GPC1: variants seen among roughly 807,000 people sequenced by gnomAD.
GPC1 encodes the protein glypican 1.
GPC1 carries 26 observed loss-of-function variants against 51.5 expected under a neutral mutation model. The observed-to-expected ratio is 0.50, with a 90% confidence interval of 0.37 to 0.70. The LOEUF is 0.70. Ranked by LOEUF, GPC1 falls within the 30% of genes least tolerant of loss-of-function variation. The pLI is 0.00. For synonymous variants in GPC1, 380 were observed against 348.3 expected (o/e 1.09, Z -1.01); for missense variants, 775 against 800.5 (o/e 0.97, Z 0.38).
chr2:240,437,235 G>C (rs1054999120), intron 1 of GPC1, among the ~76,000 whole-genome samples: 3 of 152,126 alleles, frequency 2.0e-5, no homozygotes, highest in Non-Finnish European at 2.9e-5. Context: ...AGGGGGGTCT[G>C]TGGCCATGCC....
chr2:240,443,892 T>A (rs1007429030), intron 1 of GPC1, among the ~76,000 whole-genome samples: 2 of 152,182 alleles, frequency 1.3e-5, no homozygotes, highest in African/African-American at 4.8e-5. Flanking sequence ...TTCCCAGGGC[T>A]CAGAGCTGAG....
rs1484779064 is a variant in GPC1, at chr2:240,448,762, G to A, written c.167-10268G>A. Reference sequence around the variant, plus strand: ...GCGTGACCGGCAGTTATCCCTCCCCGGACGTGGCCTTGCAGACACCAGCCC... The same window carrying A: ...GCGTGACCGGCAGTTATCCCTCCCCAGACGTGGCCTTGCAGACACCAGCCC... On this transcript the variant is annotated intron_variant, in intron 1 of 8. Transcript: ENST00000264039. This position sits in a 1 kb window ranked among gnomAD's most constrained non-coding sequence, Gnocchi z 4.5. Among the ~76,000 whole-genome samples the A allele has an allele frequency of 2.0e-5, 3 of 152,072 alleles. No individual in the cohort carries two copies. Among genetic ancestry groups the A allele is most frequent in the Admixed American group, 6.5e-5 (1 of 15,276 alleles).
At position 240,445,316 on chromosome 2, in the gene GPC1, G is replaced by A. The variant is rs373519943; in HGVS notation, c.166+9232G>A. 1.6e-4 allele frequency among the ~76,000 whole-genome samples: 25 copies of A among 152,296 alleles called. No homozygotes were observed. In the East Asian group the frequency reaches 4.3e-3, roughly 26 times the overall value. On this transcript the variant is annotated intron_variant, in intron 1 of 8. Coordinates refer to ENST00000264039, the MANE Select transcript of GPC1 (RefSeq NM_002081.3). ...CCCTGGGATAGGGTGGCTCCCAAGC[G>A]GGAGCAGTTGCCCTGGGCACTTGTG...
chr2:240,458,357 G>A (rs888406909), intron 1 of GPC1: 65 of 265,712 alleles, frequency 2.4e-4, no homozygotes, highest in East Asian at 8.3e-5. Flanking sequence ...CGCTGGAGCA[G>A]AGTAGCTCAT....
chr2:240,436,275 C>A (rs1348304643), intron 1 of GPC1, among the ~76,000 whole-genome samples, 191 bp downstream of exon 1: 1 of 152,114 alleles, frequency 6.6e-6, no homozygotes, highest in Non-Finnish European at 1.5e-5. Flanking sequence ...AGCCCCGCGC[C>A]GCACTCCCTC....
At position 240,436,050 on chromosome 2, in the gene GPC1, C is replaced by A; in HGVS notation, c.132C>A (p.Phe44Leu). ...GCCAGATCTACGGAGCCAAGGGCTT[C>A]AGCCTGAGCGACGTGCCCCAGGCGG... ...EVRQIYGAKG[F>L]SLSDVPQAEI... The change falls in exon 1 of 9, where the codon TTC (phenylalanine) becomes TTA (leucine). Residue 44 changes from phenylalanine (F) to leucine (L), a missense_variant. Coordinates refer to ENST00000264039, the MANE Select transcript of GPC1 (RefSeq NM_002081.3). The A allele has an allele frequency of 7.4e-7, 1 of 1,347,242 alleles. No homozygotes were observed. 83.5% of individuals were successfully genotyped at this position (1,347,242 alleles called of 1,614,324 possible). A position where few individuals can be genotyped will look rare whatever the true frequency, so the allele number is the denominator to read the frequency against.
chr2:240,444,554 C>T lies in GPC1; in HGVS notation c.166+8470C>T, dbSNP rs544373413. On this transcript the variant is annotated intron_variant, in intron 1 of 8. Transcript: ENST00000264039. ...TAGGCCCATGCAGCAGCGACCGGAT[C>T]CCTAGCCTCCCCGGCAGGGGTGCTT... Among the ~76,000 whole-genome samples, 16 of 152,270 alleles carry T rather than the reference C, an allele frequency of 1.1e-4. No individual in the cohort carries two copies. The East Asian group carries it at 3.1e-3, about 29-fold the overall frequency.
At chr2:240,461,148 G>A (rs2074211665) in intron 2 of GPC1, among the ~76,000 whole-genome samples, 1 of 152,208 alleles carries the variant, frequency 6.6e-6, no homozygotes, top group South Asian at 2.1e-4. Flanking sequence ...CCAGGCGCCA[G>A]GACCCAAGGT....
In GPC1 at chr2:240,466,265, C is replaced by T. The variant is rs1280397022; in HGVS notation, c.1652C>T (p.Thr551Ile). ...LLPLLLFLALTVARPRWR is the reference protein window; with the variant it reads ...LLPLLLFLALIVARPRWR The stretch of plus-strand genomic sequence containing the variant: ...CCCCTCCTCCTCTTCCTGGCCCTTA[C>T]AGTAGCCAGGCCCCGGTGGCGGTAA... Residue 551 changes from threonine (T) to isoleucine (I), a missense_variant, in exon 9 of 9, where the codon ACA (threonine) becomes ATA (isoleucine). Coordinates refer to ENST00000264039, the MANE Select transcript of GPC1 (RefSeq NM_002081.3). 6.9e-6 allele frequency: 11 copies of T among 1,604,864 alleles called. No individual in the cohort carries two copies. Among genetic ancestry groups the T allele is most frequent in the East Asian group, 2.2e-5 (1 of 44,804 alleles).
chr2:240,445,201 G>A (rs2074041286), intron 1 of GPC1, among the ~76,000 whole-genome samples: 1 of 152,170 alleles, frequency 6.6e-6, no homozygotes, highest in African/African-American at 2.4e-5. Context: ...TGTTAGAACA[G>A]GTGCCTCCCT....
chr2:240,445,489 C>T (rs914175864), intron 1 of GPC1, among the ~76,000 whole-genome samples: 2 of 152,116 alleles, frequency 1.3e-5, no homozygotes, highest in Non-Finnish European at 2.9e-5. Context: ...TAGGCAGAAC[C>T]ACGCCAGGGG....
chr2:240,462,065 C>A, intron 2 of GPC1, 126 bp from the exon 3 acceptor site: 2 of 915,198 alleles, frequency 2.2e-6, no homozygotes, highest in Non-Finnish European at 3.2e-6. Flanking sequence ...TGCAGTGTGG[C>A]GTCCGACTCC....
At chr2:240,463,220 T>C in intron 3 of GPC1, 127 bp from the exon 4 acceptor site, 1 of 731,984 alleles carries the variant, frequency 1.4e-6, no homozygotes, top group Non-Finnish European at 2.3e-6. Context: ...CACCACGAGC[T>C]GGGGCAGAGC....
chr2:240,452,729 C>A (rs1194686613), intron 1 of GPC1: 2 of 150,578 alleles, frequency 1.3e-5, no homozygotes, highest in African/African-American at 4.9e-5. Flanking sequence ...TCCAGGGAGA[C>A]GGGGGCGGTG....
intron 1 of GPC1, among the ~76,000 whole-genome samples, chr2:240,445,315 C>T (rs961696443): frequency 5.3e-5 from 8 of 152,234 alleles, no homozygotes; most frequent in Middle Eastern, 3.4e-3. Context: ...GGCTCCCAAG[C>T]GGGAGCAGTT....
At chr2:240,450,642 C>A (rs781148714) in intron 1 of GPC1, 2 of 470,596 alleles carry the variant, frequency 4.2e-6, no homozygotes, top group Admixed American at 4.7e-5. Context: ...GGGCGTGCCC[C>A]GTCGAGCCCC....
Position 240,448,739 on chromosome 2 carries a change from G to A in GPC1, c.167-10291G>A, listed in dbSNP as rs904250887. Among the ~76,000 whole-genome samples, 11 of 151,980 alleles carry A rather than the reference G, an allele frequency of 7.2e-5. No homozygotes were observed. Among genetic ancestry groups the A allele is most frequent in the East Asian group, 1.9e-4 (1 of 5,172 alleles). On this transcript the variant is annotated intron_variant, in intron 1 of 8. Coordinates refer to ENST00000264039, the MANE Select transcript of GPC1 (RefSeq NM_002081.3). The surrounding 1 kb of genome is among the most constrained non-coding windows in gnomAD (Gnocchi z 4.5). ...GGTGGTGGGCTGTGTGACCAGCAGC[G>A]TGACCGGCAGTTATCCCTCCCCGGA...
chr2:240,458,194 A>C, intron 1 of GPC1: 1 of 408,970 alleles, frequency 2.4e-6, no homozygotes, highest in Admixed American at 2.6e-5. Context: ...CCCTTTAAAA[A>C]ATGCAGTTTT....
intron 1 of GPC1, chr2:240,455,858 A>G: frequency 3.5e-6 from 1 of 285,526 alleles, no homozygotes. Context: ...GGAGCTCCGC[A>G]GAAGGAAGCC....
Sources: gnomAD v4.1 joint callset for allele counts (sites outside exome capture counted in the v4.1 genomes callset) on GRCh38, gnomAD v4.1.1 for gene constraint, Gnocchi (gnomAD v3.1) non-coding constraint, MANE v1.5 for transcripts, NCBI Gene and HGNC (gene_info 2026-07-23, HGNC 2026-07-21) for gene names.